The following F5 variants were observed in gnomAD, a reference collection of about 807,000 sequenced individuals.
The protein encoded by F5 is coagulation factor V, also known as activated protein c cofactor.
F5 carries 138 observed loss-of-function variants against 216.4 expected under a neutral mutation model. The observed-to-expected ratio is 0.64, with a 90% CI of 0.56 to 0.73. The LOEUF is 0.73. F5 is among the 30% of genes least tolerant of loss of function. The probability of loss-of-function intolerance (pLI) is 0.00; values close to 1 mark genes in which losing one functional copy is unlikely to be tolerated. For missense variants in F5, 2,403 were observed against 2,674.0 expected (o/e 0.90, Z 2.24); for synonymous variants, 916 against 930.7 (o/e 0.98, Z 0.29).
chr1:169,560,225 C>A (rs111835296), intron 4 of F5, among the ~76,000 whole-genome samples: 66 of 152,232 alleles, frequency 4.3e-4, no homozygotes, highest in Middle Eastern at 6.8e-3. Context: ...AGAGTATAGG[C>A]TACTGTATAC....
intron 13 of F5, among the ~76,000 whole-genome samples, chr1:169,537,802 G>A (rs1244709736): frequency 6.6e-6 from 1 of 152,028 alleles, no homozygotes; most frequent in African/African-American, 2.4e-5. Context: ...CCGTTAGGAT[G>A]GCTATTATAA....
chr1:169,571,670 T>A (rs1003581194), intron 3 of F5, among the ~76,000 whole-genome samples: 3 of 152,278 alleles, frequency 2.0e-5, no homozygotes, highest in Admixed American at 1.3e-4. Context: ...TTCCTGTTTT[T>A]GTAAATAAAA....
At chr1:169,531,833 T>C (rs562457686) in intron 14 of F5, among the ~76,000 whole-genome samples, 1 of 152,152 alleles carries the variant, frequency 6.6e-6, no homozygotes, top group East Asian at 1.9e-4. Context: ...AATTGTCTGT[T>C]CCTTATTTTA....
At chr1:169,522,101 T>C (rs933629532) in intron 21 of F5, among the ~76,000 whole-genome samples, 4 of 152,170 alleles carry the variant, frequency 2.6e-5, no homozygotes, top group African/African-American at 9.7e-5. Context: ...GACCAGTTAA[T>C]TGAAATATAC....
intron 20 of F5, 50 bp downstream of exon 20, chr1:169,523,751 A>G: frequency 6.9e-7 from 1 of 1,444,600 alleles, no homozygotes; most frequent in East Asian, 2.3e-5. Flanking sequence ...AATCACTTTC[A>G]TTTTTATTAT....
In F5 at chr1:169,542,918, A is replaced by T; in HGVS notation, c.2172T>A (p.Tyr724Ter). The T allele has an allele frequency of 1.2e-6, 2 of 1,614,118 alleles. No homozygotes were observed. Among genetic ancestry groups the T allele is most frequent in the Non-Finnish European group, 1.7e-6 (2 of 1,180,000 alleles). The change falls in exon 13 of 25, where the codon TAT (tyrosine) becomes TAA (stop). Residue 724 changes from tyrosine (Y) to a stop codon, truncating the protein, a stop_gained. Coordinates refer to ENST00000367797, the MANE Select transcript of F5 (RefSeq NM_000130.5). LOFTEE classifies it high-confidence loss of function. Reference protein sequence around the residue: ...EPEDEESDADYDYQNRLAAAL... With the variant: ...EPEDEESDAD ...CTGCAGCCAGTCTGTTCTGGTAATC[A>T]TAGTCAGCATCACTCTCTTCATCTT...
At chr1:169,583,310 A>G (rs1162161144) in intron 1 of F5, among the ~76,000 whole-genome samples, 4 of 152,244 alleles carry the variant, frequency 2.6e-5, no homozygotes, top group African/African-American at 9.6e-5. Context: ...ATACCTTGCA[A>G]ATGTCTAAAT....
At chr1:169,519,310 T>G (rs1411677501) in intron 22 of F5, among the ~76,000 whole-genome samples, 1 of 152,190 alleles carries the variant, frequency 6.6e-6, no homozygotes, top group Non-Finnish European at 1.5e-5. Flanking sequence ...AGAAAATGAA[T>G]AAGAAGAAAA....
intron 3 of F5, among the ~76,000 whole-genome samples, chr1:169,566,602 G>C (rs977235461): frequency 7.2e-6 from 1 of 139,522 alleles, no homozygotes; most frequent in Non-Finnish European, 1.6e-5. Flanking sequence ...TGAACTTCAG[G>C]GTCAGAGTTG....
chr1:169,552,672 A>G lies in F5; in HGVS notation c.1181T>C (p.Val394Ala), dbSNP rs142875000. The change falls in exon 8 of 25, where the codon GTT (valine) becomes GCT (alanine). Residue 394 changes from valine (V) to alanine (A), a missense_variant. This residue lies in a region of F5 where 1,425 missense variants were observed against 1,554.8 expected (regional missense o/e 0.92). Coordinates refer to ENST00000367797, the MANE Select transcript of F5 (RefSeq NM_000130.5). ...SNQIGKHYKK[V>A]MYTQYEDESF... ...CTCATCTTCGTACTGTGTGTACATA[A>G]CTTTCTTATAATGTTTTCCAATTTG... The G allele has an allele frequency of 4.9e-5, 79 of 1,612,860 alleles. No individual in the cohort carries two copies. The African/African-American group carries it at 7.5e-4, about 15-fold the overall frequency.
chr1:169,568,962 T>C (rs1660667492), intron 3 of F5, among the ~76,000 whole-genome samples: 1 of 152,128 alleles, frequency 6.6e-6, no homozygotes, highest in Non-Finnish European at 1.5e-5. Context: ...AGATTCAGAA[T>C]ATTCTTTTAG....
Position 169,558,940 on chromosome 1 carries a change from C to T in F5, c.730+213G>A, listed in dbSNP as rs1294475347. 5.3e-5 allele frequency among the ~76,000 whole-genome samples: 8 copies of T among 151,690 alleles called. No individual in the cohort carries two copies. In the East Asian group the frequency reaches 1.6e-3, roughly 29 times the overall value. On this transcript the variant is annotated intron_variant, in intron 5 of 24. Transcript: ENST00000367797. ...AGGCCAAGGTGAAACCTACTCAGGT[C>T]ACTATACCTAACAAGGCTGCACATT...
chr1:169,551,140 G>C (rs566555382), intron 8 of F5, among the ~76,000 whole-genome samples: 1 of 151,994 alleles, frequency 6.6e-6, no homozygotes, highest in Non-Finnish European at 1.5e-5. Context: ...AGATTTTTTA[G>C]GACACTGTCT....
intron 3 of F5, among the ~76,000 whole-genome samples, chr1:169,561,023 T>C (rs1426852144): frequency 6.6e-6 from 1 of 152,180 alleles, no homozygotes; most frequent in Non-Finnish European, 1.5e-5. Context: ...TTTTCCAGGG[T>C]ACCTGAACAA....
intron 5 of F5, 148 bp downstream of exon 5, chr1:169,559,005 T>A (rs1221994820): frequency 1.1e-4 from 77 of 711,214 alleles, no homozygotes; most frequent in Middle Eastern, 4.2e-4. Context: ...ATTTCCTGTT[T>A]AAAAAAAAAA....
chr1:169,578,700 G>T (rs564818738), intron 2 of F5, among the ~76,000 whole-genome samples: 1 of 152,174 alleles, frequency 6.6e-6, no homozygotes, highest in Non-Finnish European at 1.5e-5. Flanking sequence ...CTTGGAGCTG[G>T]AGCTATGAAA....
chr1:169,529,241 A>G (rs1414856562), intron 16 of F5, among the ~76,000 whole-genome samples: 1 of 152,224 alleles, frequency 6.6e-6, no homozygotes, highest in Non-Finnish European at 1.5e-5. Flanking sequence ...TTTCTTTTAT[A>G]TAAACACTTG....
At chr1:169,518,679 C>A in intron 22 of F5, 116 bp from the exon 23 acceptor site, 1 of 1,140,358 alleles carries the variant, frequency 8.8e-7, no homozygotes, top group South Asian at 1.3e-5. Flanking sequence ...AAACAATAAC[C>A]ACAACAATGA....
rs528551952 is a variant in F5 at position 169,522,656 on chromosome 1, A to G, written c.6048+541T>C. ...CAGACTTCTTTGGGGAAGGGAATAG[A>G]GAGGAGGAGAAGAGTTAGGGCTTAT... On this transcript the variant is annotated intron_variant, in intron 21 of 24. Coordinates refer to ENST00000367797, the MANE Select transcript of F5 (RefSeq NM_000130.5). 2.6e-5 allele frequency among the ~76,000 whole-genome samples: 4 copies of G among 152,320 alleles called. No individual in the cohort carries two copies. In the East Asian group the frequency reaches 5.8e-4, roughly 22 times the overall value.
Sources: allele counts gnomAD v4.1 joint callset (sites outside exome capture counted in the v4.1 genomes callset), GRCh38; gene constraint gnomAD v4.1.1; regional missense constraint gnomAD v4.1.1; transcripts MANE v1.5; gene names NCBI Gene and HGNC (gene_info 2026-07-23, HGNC 2026-07-21).